Variants in MEF2A observed in about 807,000 individuals in gnomAD.
MEF2A encodes myocyte-specific enhancer factor 2A.
In MEF2A, 28 loss-of-function variants were observed where a neutral mutation model predicts 55.8. The observed-to-expected ratio is 0.50, with a 90% CI of 0.37 to 0.69. The LOEUF is 0.69. Ranked by LOEUF, MEF2A falls within the 30% of genes least tolerant of loss-of-function variation. MEF2A has a pLI of 0.00. For missense variants in MEF2A, 528 were observed against 626.2 expected (o/e 0.84, Z 1.67); for synonymous variants, 239 against 227.1 (o/e 1.05, Z -0.47).
In MEF2A at chr15:99,690,314, C is replaced by T. The variant is rs777675056; in HGVS notation, c.744C>T (p.Val248=). 8 of 1,613,604 alleles carry T rather than the reference C, an allele frequency of 5.0e-6. No individual in the cohort carries two copies. The South Asian group carries it at 8.8e-5, about 18-fold the overall frequency. ...GATGANSLGK[V]MPTKSPPPPG... is the part of the protein sequence containing the mutation. ...CTGGTGCAAATAGCTTAGGCAAAGT[C>T]ATGCCTACAAAGTCTCCCCCTCCAC... is the stretch of plus-strand genomic sequence containing the variant. The change falls in exon 8 of 12, where the codon GTC becomes GTT. Residue 248 remains valine (V), a synonymous_variant. Coordinates refer to ENST00000557942, the MANE Select transcript of MEF2A (RefSeq NM_001319206.4).
Position 99,589,799 on chromosome 15 carries a change from T to TC in MEF2A, c.-224-8623dup, listed in dbSNP as rs199831598. 1.6e-3 allele frequency among the ~76,000 whole-genome samples: 247 copies of TC among 151,780 alleles called. 4 individuals carry two copies. The highest frequency in any genetic ancestry group is 0.011 in the Admixed American group (166 of 15,214). ...TGGAAAATGTCCCAAAATAGAAATGTCCCCCCCCAAAAAAGTGTCCTTTTT... is the reference window on the plus strand; with the variant it reads ...TGGAAAATGTCCCAAAATAGAAATGTCCCCCCCCCAAAAAAGTGTCCTTTTT... On this transcript the variant is annotated intron_variant, in intron 1 of 11. Coordinates refer to ENST00000557942, the MANE Select transcript of MEF2A (RefSeq NM_001319206.4).
At chr15:99,653,074 C>T (rs974735697) in intron 4 of MEF2A, among the ~76,000 whole-genome samples, 1 of 152,142 alleles carries the variant, frequency 6.6e-6, no homozygotes. Context: ...AAGCATATAA[C>T]TATTATAAGA....
At chr15:99,644,213 A>G (rs2045557252) in intron 3 of MEF2A, among the ~76,000 whole-genome samples, 1 of 152,246 alleles carries the variant, frequency 6.6e-6, no homozygotes, top group African/African-American at 2.4e-5. Flanking sequence ...GATTAAGGTG[A>G]TTAAATGCTA....
intron 2 of MEF2A, among the ~76,000 whole-genome samples, chr15:99,630,000 C>G (rs1047404755): frequency 7.1e-6 from 1 of 140,784 alleles, no homozygotes; most frequent in African/African-American, 2.6e-5. Context: ...CACTCTTGCC[C>G]CCGTCCCTCT....
chr15:99,713,075 G>GT lies in MEF2A; in HGVS notation c.*309dup. ...ACTACTTGTTTCGTAAAGATAACCA[G>GT]TTTTTGCAGAGAAACGTGTACCCAT... On this transcript the variant is annotated 3_prime_UTR_variant, in exon 12 of 12. Transcript: ENST00000557942. 1 of 471,552 alleles carries GT rather than the reference G, an allele frequency of 2.1e-6. No individual in the cohort carries two copies. The highest frequency in any genetic ancestry group is 5.4e-5 in the South Asian group (1 of 18,380). 29.2% of individuals were successfully genotyped at this position (471,552 alleles called of 1,614,324 possible).
rs2058706877 is a variant in MEF2A at position 99,712,146 on chromosome 15, C to T, written c.1137-244C>T. Among the ~76,000 whole-genome samples the T allele has an allele frequency of 6.6e-6, 1 of 152,182 alleles. No individual in the cohort carries two copies. Among genetic ancestry groups the T allele is most frequent in the Non-Finnish European group, 1.5e-5 (1 of 68,032 alleles). On this transcript the variant is annotated intron_variant, in intron 11 of 11. Transcript: ENST00000557942. The surrounding 1 kb of genome is among the most constrained non-coding windows in gnomAD (Gnocchi z 4.1). ...TTGTATACTTTAGCTGCAAAAGTAC[C>T]AACGTTGTGGGTAACAGAACCAAGT...
intron 7 of MEF2A, among the ~76,000 whole-genome samples, chr15:99,679,638 A>C (rs2052828796): frequency 6.6e-6 from 1 of 152,222 alleles, no homozygotes. Flanking sequence ...AGGGGGCCCA[A>C]TTATGGAAAC....
At chr15:99,629,481 A>AT (rs950618800) in intron 2 of MEF2A, among the ~76,000 whole-genome samples, 145 of 150,762 alleles carry the variant, frequency 9.6e-4, no homozygotes, top group African/African-American at 3.1e-3. Flanking sequence ...TAAACATTTG[A>AT]TTTTTTTTTA....
At chr15:99,583,399 C>T (rs1966499434) in intron 1 of MEF2A, among the ~76,000 whole-genome samples, 1 of 152,104 alleles carries the variant, frequency 6.6e-6, no homozygotes, top group Non-Finnish European at 1.5e-5. Context: ...TAGACTTCGA[C>T]ACTTTACTAG....
chr15:99,603,509 A>G (rs562149926), intron 2 of MEF2A, among the ~76,000 whole-genome samples: 42 of 146,064 alleles, frequency 2.9e-4, no homozygotes, highest in African/African-American at 9.6e-4. Context: ...ATTAGCTGGG[A>G]CTGTAGGCAT....
intron 8 of MEF2A, among the ~76,000 whole-genome samples, chr15:99,691,470 G>T (rs1276659462): frequency 6.6e-6 from 1 of 152,094 alleles, no homozygotes; most frequent in Non-Finnish European, 1.5e-5. Flanking sequence ...TGCCAGGGCG[G>T]GCGGATCACC....
intron 8 of MEF2A, among the ~76,000 whole-genome samples, chr15:99,700,486 T>C (rs897724169): frequency 1.9e-4 from 29 of 151,956 alleles, no homozygotes; most frequent in Non-Finnish European, 3.2e-4. Flanking sequence ...CACTCCAGCC[T>C]GGCTGACACA....
intron 7 of MEF2A, among the ~76,000 whole-genome samples, chr15:99,683,978 GTTAC>G (rs1341627481): frequency 1.3e-5 from 2 of 152,022 alleles, no homozygotes; most frequent in East Asian, 3.9e-4. Context: ...CCATTCCTGA[GTTAC>G]TTCTCTTAGA....
rs888682015 is a variant in MEF2A at position 99,712,304 on chromosome 15, T to C, written c.1137-86T>C. On this transcript the variant is annotated intron_variant, in intron 11 of 11. Coordinates refer to ENST00000557942, the MANE Select transcript of MEF2A (RefSeq NM_001319206.4). This position sits in a 1 kb window ranked among gnomAD's most constrained non-coding sequence, Gnocchi z 4.1. ...TAAGATTTCAGACTCTGGGCCCTTT[T>C]CCATCAGGCAGTGTCTCTACTGTAT... The C allele has an allele frequency of 1.1e-5, 16 of 1,441,362 alleles. No individual in the cohort carries two copies. Among genetic ancestry groups the C allele is most frequent in the Non-Finnish European group, 1.5e-5 (16 of 1,098,476 alleles). 89.3% of individuals were successfully genotyped at this position (1,441,362 alleles called of 1,614,324 possible).
intron 3 of MEF2A, among the ~76,000 whole-genome samples, chr15:99,643,678 G>A (rs1005942035): frequency 4.0e-5 from 6 of 149,646 alleles, no homozygotes; most frequent in African/African-American, 1.5e-4. Flanking sequence ...TGCAAGCTCT[G>A]CCTCCAGTGT....
chr15:99,638,936 G>C (rs942974166), intron 3 of MEF2A, among the ~76,000 whole-genome samples: 18 of 152,156 alleles, frequency 1.2e-4, no homozygotes, highest in African/African-American at 3.9e-4. Flanking sequence ...CTTTAAAGAG[G>C]TATTTGTTGT....
intron 3 of MEF2A, among the ~76,000 whole-genome samples, chr15:99,638,633 A>AT (rs1567290739): frequency 6.6e-6 from 1 of 152,062 alleles, no homozygotes; most frequent in Non-Finnish European, 1.5e-5. Context: ...CAATTCTAGA[A>AT]TTTTTTGATT....
chr15:99,634,124 GT>G (rs1472499693), intron 3 of MEF2A, among the ~76,000 whole-genome samples: 4 of 152,218 alleles, frequency 2.6e-5, no homozygotes, highest in Non-Finnish European at 5.9e-5. Flanking sequence ...GTTTCAGAAA[GT>G]TTACCAGGAA....
At chr15:99,667,291 G>T (rs189099441) in intron 4 of MEF2A, among the ~76,000 whole-genome samples, 1 of 152,038 alleles carries the variant, frequency 6.6e-6, no homozygotes, top group Admixed American at 6.5e-5. Context: ...GCACGATCTC[G>T]CTCACTGCAA....
Sources: allele counts gnomAD v4.1 joint callset (sites outside exome capture counted in the v4.1 genomes callset), GRCh38; gene constraint gnomAD v4.1.1; non-coding constraint Gnocchi (gnomAD v3.1); transcripts MANE v1.5; gene names NCBI Gene and HGNC (gene_info 2026-07-23, HGNC 2026-07-21).